SSPN: variants seen among roughly 807,000 people sequenced by gnomAD.
SSPN encodes the protein sarcospan.
SSPN carries 15 observed loss-of-function variants against 19.1 expected under a neutral mutation model. The observed-to-expected ratio is 0.78, with a 90% CI of 0.52 to 1.21. SSPN has a LOEUF of 1.21. SSPN is among the 50% of genes most tolerant of loss of function. The pLI is 0.00. For synonymous variants in SSPN, 147 were observed against 140.3 expected, an observed-to-expected ratio of 1.05 and a Z score of -0.34; for missense variants, 291 against 314.0, an observed-to-expected ratio of 0.93 and a Z score of 0.55.
intron 1 of SSPN, chr12:26,122,168 CG>C (rs1565664169): frequency 1.3e-6 from 2 of 1,532,062 alleles, no homozygotes; most frequent in African/African-American, 2.8e-5. Context: ...TGCGGCCGTG[CG>C]GGTGCTGGGG....
chr12:26,160,363 A>G (rs1033442759), intron 1 of SSPN, among the ~76,000 whole-genome samples: 1 of 152,208 alleles, frequency 6.6e-6, no homozygotes, highest in East Asian at 1.9e-4. Flanking sequence ...TGGGCTTCCA[A>G]TTTATTTTTA....
At chr12:26,191,995 T>C (rs1309779827), upstream of SSPN, among the ~76,000 whole-genome samples, 2 of 152,224 alleles carry the variant, frequency 1.3e-5, no homozygotes, top group East Asian at 3.8e-4. Flanking sequence ...GAGAATATGT[T>C]GGTTTAAAGA....
chr12:26,234,095 T>C lies in SSPN; in HGVS notation c.*3019T>C, dbSNP rs1379667785. The C allele has an allele frequency of 6.6e-6, 1 of 152,226 alleles. No homozygotes were observed. Among genetic ancestry groups the C allele is most frequent in the Non-Finnish European group, 1.5e-5 (1 of 68,038 alleles). 9.4% of individuals were successfully genotyped at this position (152,226 alleles called of 1,614,324 possible). On this transcript the variant is annotated 3_prime_UTR_variant, in exon 3 of 3. Coordinates refer to ENST00000242729, the MANE Select transcript of SSPN (RefSeq NM_005086.5). ...CCAGCTTTACACTTCTATAGGTTGT[T>C]CTGACAGTGAGAACACATTATGTAC...
At chr12:26,228,313 C>T (rs907005123) in intron 2 of SSPN, among the ~76,000 whole-genome samples, 5 of 151,198 alleles carry the variant, frequency 3.3e-5, no homozygotes, top group East Asian at 1.9e-4. Flanking sequence ...GCATGAGAAT[C>T]GCTTCAACCC....
In SSPN at chr12:26,232,917, A is replaced by G. The variant is rs545476032; in HGVS notation, c.*1841A>G. ...CAAGCAGAATGATGAGGACCTGTAA[A>G]ATACCTTGTGCCCTATTAAAAAAAA... On this transcript the variant is annotated 3_prime_UTR_variant, in exon 3 of 3. Transcript: ENST00000242729. 1.4e-5 allele frequency: 2 copies of G among 144,486 alleles called. No homozygotes were observed. The highest frequency in any genetic ancestry group is 4.5e-4 in the South Asian group (2 of 4,436). 9.0% of individuals were successfully genotyped at this position (144,486 alleles called of 1,614,324 possible).
chr12:26,210,530 CTG>C (rs1450508802), intron 1 of SSPN, among the ~76,000 whole-genome samples: 1 of 152,088 alleles, frequency 6.6e-6, no homozygotes, highest in African/African-American at 2.4e-5. Flanking sequence ...CTCTCTGTCT[CTG>C]TCTCTCTCCC....
intron 1 of SSPN, among the ~76,000 whole-genome samples, chr12:26,170,393 C>T (rs1244516987): frequency 6.6e-6 from 1 of 152,190 alleles, no homozygotes; most frequent in African/African-American, 2.4e-5. Flanking sequence ...TCCGATGGCT[C>T]TAAGTAAGAA....
chr12:26,221,241 T>G (rs1945117330), intron 1 of SSPN, among the ~76,000 whole-genome samples: 1 of 152,208 alleles, frequency 6.6e-6, no homozygotes. Context: ...CACTCTCCTT[T>G]TAGCCACTTT....
At chr12:26,222,574 A>G (rs766522626) in intron 1 of SSPN, among the ~76,000 whole-genome samples, 2 of 152,132 alleles carry the variant, frequency 1.3e-5, no homozygotes, top group Non-Finnish European at 2.9e-5. Flanking sequence ...TGCTCTTTCA[A>G]CTTCTGTCTC....
intron 1 of SSPN, among the ~76,000 whole-genome samples, chr12:26,205,089 A>G (rs1944919728): frequency 2.0e-5 from 3 of 152,200 alleles, no homozygotes; most frequent in Admixed American, 2.0e-4. Flanking sequence ...CAGTTTGTTC[A>G]CAAATGAGCA....
At chr12:26,205,967 T>A (rs1046988412) in intron 1 of SSPN, among the ~76,000 whole-genome samples, 5 of 152,194 alleles carry the variant, frequency 3.3e-5, no homozygotes, top group African/African-American at 1.2e-4. Context: ...TCGGTGTGCA[T>A]TAAGGGCTTG....
At chr12:26,143,550 C>T (rs1944472769) in intron 1 of SSPN, among the ~76,000 whole-genome samples, 1 of 152,108 alleles carries the variant, frequency 6.6e-6, no homozygotes. Flanking sequence ...TCTAGGGCCT[C>T]TTAGGTGACA....
chr12:26,202,227 T>A (rs748837225), intron 1 of SSPN, among the ~76,000 whole-genome samples: 1 of 152,192 alleles, frequency 6.6e-6, no homozygotes, highest in Admixed American at 6.5e-5. Context: ...CCAAATGTTT[T>A]TGATCCGTGG....
At chr12:26,172,307 T>C (rs1282264463) in intron 1 of SSPN, among the ~76,000 whole-genome samples, 7 of 152,206 alleles carry the variant, frequency 4.6e-5, no homozygotes. Context: ...AGAAGGACTT[T>C]TTGTGGAAAA....
intron 1 of SSPN, among the ~76,000 whole-genome samples, chr12:26,168,263 A>G (rs1217418102): frequency 6.6e-6 from 1 of 152,104 alleles, no homozygotes; most frequent in Non-Finnish European, 1.5e-5. Flanking sequence ...TTGTAAGATT[A>G]CATATGTGAT....
At chr12:26,137,035 A>G (rs1944429430) in intron 1 of SSPN, among the ~76,000 whole-genome samples, 1 of 152,218 alleles carries the variant, frequency 6.6e-6, no homozygotes, top group South Asian at 2.1e-4. Context: ...TATTTCAGCC[A>G]TTCTACTAAT....
chr12:26,210,365 A>G (rs925353615), intron 1 of SSPN, among the ~76,000 whole-genome samples: 1 of 151,706 alleles, frequency 6.6e-6, no homozygotes, highest in Non-Finnish European at 1.5e-5. Flanking sequence ...TTAAATATCC[A>G]TGATTAACTC....
chr12:26,223,423 T>A (rs574698295), intron 1 of SSPN, among the ~76,000 whole-genome samples: 158 of 152,384 alleles, frequency 1.0e-3, no homozygotes, highest in African/African-American at 3.6e-3. Flanking sequence ...TTGGCCAGGC[T>A]GGTCTCAAAC....
chr12:26,215,908 G>T (rs1017158131), intron 1 of SSPN, among the ~76,000 whole-genome samples: 1 of 152,208 alleles, frequency 6.6e-6, no homozygotes, highest in African/African-American at 2.4e-5. Context: ...AACAAATGGA[G>T]CCAACACCTT....
Sources: gnomAD v4.1 joint callset for allele counts (sites outside exome capture counted in the v4.1 genomes callset) on GRCh38, gnomAD v4.1.1 for gene constraint, MANE v1.5 for transcripts, NCBI Gene and HGNC (gene_info 2026-07-23, HGNC 2026-07-21) for gene names.